Variants in ANK2 observed in about 807,000 individuals in gnomAD.
The protein encoded by ANK2 is ankyrin 2.
ANK2 carries 83 observed loss-of-function variants against 360.5 expected under a neutral mutation model. The ratio of observed to expected loss-of-function variants is 0.23; its 90% CI spans 0.19 to 0.28. The LOEUF (loss-of-function observed/expected upper bound fraction) is 0.28. Ranked by LOEUF, ANK2 falls within the 10% of genes least tolerant of loss-of-function variation. The pLI, the probability that ANK2 is intolerant of heterozygous loss-of-function variation, is 1.00. For missense variants in ANK2, 4,201 were observed against 4,795.7 expected, an observed-to-expected ratio of 0.88 and a Z score of 3.66; for synonymous variants, 1,740 against 1,759.5, an observed-to-expected ratio of 0.99 and a Z score of 0.28.
At chr4:112,724,556 T>C in the ANK2 span, among the ~76,000 whole-genome samples, 61 of 141,740 alleles carry the variant, frequency 4.3e-4, no homozygotes, top group African/African-American at 5.2e-4. Context: ...CACACACACA[T>C]ACACACACAC....
chr4:113,103,099 T>C (rs1276005913), intron 1 of ANK2, among the ~76,000 whole-genome samples: 1 of 152,172 alleles, frequency 6.6e-6, no homozygotes, highest in Non-Finnish European at 1.5e-5. Context: ...TTTAAAATAT[T>C]ATCTGTTTCA....
At chr4:113,084,207 T>A (rs988271064) in intron 1 of ANK2, among the ~76,000 whole-genome samples, 19 of 152,220 alleles carry the variant, frequency 1.2e-4, no homozygotes, top group African/African-American at 4.6e-4. Flanking sequence ...CTCTTTTGCT[T>A]ACATTCTGTA....
chr4:113,100,225 A>G lies in ANK2; in HGVS notation c.84+50413A>G, dbSNP rs539515627. Among the ~76,000 whole-genome samples, 15 of 152,254 alleles carry G rather than the reference A, an allele frequency of 9.9e-5. No individual in the cohort carries two copies. In the South Asian group the frequency reaches 2.7e-3, roughly 27 times the overall value. ...AAGAAAAAAAATCTTTGCAAAACAC[A>G]TATCTGATAAATTGTAGCCATTATA... On this transcript the variant is annotated intron_variant, in intron 1 of 45. Transcript: ENST00000357077.
intron 2 of ANK2, among the ~76,000 whole-genome samples, chr4:113,015,759 T>C (rs1236726633): frequency 1.3e-5 from 2 of 152,356 alleles, no homozygotes; most frequent in East Asian, 3.9e-4. Context: ...TTTTGTCTTA[T>C]CATGTTTTCT....
chr4:112,915,411 G>T (rs1199300879), intron 2 of ANK2, among the ~76,000 whole-genome samples: 3 of 152,016 alleles, frequency 2.0e-5, no homozygotes, highest in Non-Finnish European at 4.4e-5. Context: ...ATATAAAATG[G>T]GGTCTATTTT....
intron 2 of ANK2, among the ~76,000 whole-genome samples, chr4:112,979,369 C>T (rs1211069135): frequency 6.6e-6 from 1 of 152,160 alleles, no homozygotes; most frequent in Admixed American, 6.5e-5. Flanking sequence ...CACGGTGGTG[C>T]CTGGAAGCTT....
the ANK2 span, among the ~76,000 whole-genome samples, chr4:112,808,418 C>G: frequency 6.6e-6 from 1 of 152,100 alleles, no homozygotes; most frequent in South Asian, 2.1e-4. Context: ...TTATGTCACT[C>G]CAGAGAGCAG....
At chr4:113,146,091 C>T (rs1015725697) in intron 1 of ANK2, 1 of 1,235,686 alleles carries the variant, frequency 8.1e-7, no homozygotes, top group Admixed American at 2.5e-5. Context: ...TCTAAACTTC[C>T]TGGAAGGAAG....
At chr4:113,096,071 G>A (rs1370402065) in intron 1 of ANK2, among the ~76,000 whole-genome samples, 1 of 152,172 alleles carries the variant, frequency 6.6e-6, no homozygotes. Flanking sequence ...AGTTCATCCC[G>A]ATTCTTCCTA....
At chr4:113,280,370 C>T (rs1235839487) in intron 17 of ANK2, among the ~76,000 whole-genome samples, 1 of 152,122 alleles carries the variant, frequency 6.6e-6, no homozygotes, top group Admixed American at 6.5e-5. Flanking sequence ...ATGCACGTAC[C>T]GAGTTCAGAA....
Position 113,341,787 on chromosome 4 carries a change from A to G in ANK2, c.3993A>G (p.Val1331=). 6.2e-7 allele frequency: 1 copy of G among 1,614,164 alleles called. No individual in the cohort carries two copies. Among genetic ancestry groups the G allele is most frequent in the East Asian group, 2.2e-5 (1 of 44,876 alleles). The change falls in exon 33 of 46, where the codon GTA becomes GTG. Residue 1331 remains valine, a synonymous_variant. Coordinates refer to ENST00000357077, the MANE Select transcript of ANK2 (RefSeq NM_001148.6). ...IICVPYMAKF[V]VFAKSHDPIE... is the part of the protein sequence containing the mutation. Reference sequence around the variant, plus strand: ...GCGTACCTTATATGGCCAAATTTGTAGTGTTTGCCAAATCACATGACCCCA... The same window carrying G: ...GCGTACCTTATATGGCCAAATTTGTGGTGTTTGCCAAATCACATGACCCCA...
intron 43 of ANK2, among the ~76,000 whole-genome samples, chr4:113,372,029 C>T (rs1436588296): frequency 6.6e-6 from 1 of 151,952 alleles, no homozygotes; most frequent in African/African-American, 2.4e-5. Flanking sequence ...TTTTTTGATG[C>T]CAGGGAGATG....
chr4:113,149,045 C>T (rs1039464465), intron 1 of ANK2: 6 of 152,344 alleles, frequency 3.9e-5, no homozygotes, highest in African/African-American at 1.2e-4. Flanking sequence ...CCCTTTCTCC[C>T]CATCTCTTCC....
intron 24 of ANK2, chr4:113,313,797 A>C (rs982370178): frequency 1.5e-4 from 1 of 6,506 alleles, no homozygotes; most frequent in African/African-American, 6.2e-4. Context: ...GCGGGGGGTG[A>C]GGGGGAGCGG....
intron 1 of ANK2, among the ~76,000 whole-genome samples, chr4:112,867,255 A>G (rs2070959904): frequency 6.6e-6 from 1 of 152,048 alleles, no homozygotes; most frequent in Non-Finnish European, 1.5e-5. Flanking sequence ...AACTTTTAAA[A>G]GAATTATATT....
rs2080673869 is a variant in ANK2, at chr4:113,312,594, G to A, written c.2693+1195G>A. 2.0e-5 allele frequency among the ~76,000 whole-genome samples: 3 copies of A among 152,064 alleles called. No homozygotes were observed. The South Asian group carries it at 6.2e-4, about 32-fold the overall frequency. ...CATAAGCTAGTGGTACACATAGAGT[G>A]CCACTGAAGCCCTGAGGCTCTAGCT... On this transcript the variant is annotated intron_variant, in intron 24 of 45. Coordinates refer to ENST00000357077, the MANE Select transcript of ANK2 (RefSeq NM_001148.6).
At chr4:112,938,898 C>G (rs1276726578) in intron 2 of ANK2, among the ~76,000 whole-genome samples, 1 of 152,106 alleles carries the variant, frequency 6.6e-6, no homozygotes, top group Non-Finnish European at 1.5e-5. Flanking sequence ...TACTGTGTCT[C>G]CAGAATCTAG....
At chr4:113,270,693 C>T (rs576418471) in intron 14 of ANK2, among the ~76,000 whole-genome samples, 63 of 152,012 alleles carry the variant, frequency 4.1e-4, no homozygotes, top group Non-Finnish European at 8.5e-4. Context: ...GCAGTGCTCC[C>T]TAAAGGTCAA....
At chr4:113,251,044 C>G (rs1350713396) in intron 10 of ANK2, among the ~76,000 whole-genome samples, 40 of 152,090 alleles carry the variant, frequency 2.6e-4, no homozygotes, top group African/African-American at 9.6e-4. Flanking sequence ...ATAGATCTGT[C>G]TTTAAAATGC....
Sources: gnomAD v4.1 joint callset for allele counts (sites outside exome capture counted in the v4.1 genomes callset) on GRCh38, gnomAD v4.1.1 for gene constraint, MANE v1.5 for transcripts, NCBI Gene and HGNC (gene_info 2026-07-23, HGNC 2026-07-21) for gene names.